The following TNS3 variants were observed in gnomAD, a reference collection of about 807,000 sequenced individuals.
TNS3 encodes the protein tensin-3.
A neutral mutation model predicts 140.9 loss-of-function variants in TNS3; 45 were observed. That is an observed-to-expected ratio of 0.32 (90% CI 0.25 to 0.41). The LOEUF is 0.41. TNS3 is among the 10% of genes least tolerant of loss of function. The pLI is 1.00. For missense variants in TNS3, 1,716 were observed against 1,906.7 expected (o/e 0.90, Z 1.86); for synonymous variants, 815 against 788.4 (o/e 1.03, Z -0.56).
intron 16 of TNS3, among the ~76,000 whole-genome samples, chr7:47,380,921 C>T (rs1459268682): frequency 6.6e-6 from 1 of 152,176 alleles, no homozygotes; most frequent in East Asian, 1.9e-4. Context: ...GGCGTGCCAC[C>T]TCCCTCCCAG....
chr7:47,482,516 A>C (rs1394836610), intron 3 of TNS3, among the ~76,000 whole-genome samples: 1 of 152,246 alleles, frequency 6.6e-6, no homozygotes, highest in Non-Finnish European at 1.5e-5. Context: ...AGAAGGAGTC[A>C]CAGACAAAAC....
chr7:47,280,504 G>C lies in TNS3; in HGVS notation c.4098-150C>G, dbSNP rs148154344. 10 of 762,792 alleles carry C rather than the reference G, an allele frequency of 1.3e-5. No homozygotes were observed. The African/African-American group carries it at 1.4e-4, about 11-fold the overall frequency. 47.3% of individuals were successfully genotyped at this position (762,792 alleles called of 1,614,324 possible). On this transcript the variant is annotated intron_variant, in intron 28 of 30. Coordinates refer to ENST00000311160, the MANE Select transcript of TNS3 (RefSeq NM_022748.12). ...TCATCACTTGGAGAGAAGAAAGTGC[G>C]TGCTCATTCAAAGTCAACAGATGTC...
intron 20 of TNS3, among the ~76,000 whole-genome samples, chr7:47,336,586 C>A (rs1788644064): frequency 6.6e-6 from 1 of 152,170 alleles, no homozygotes; most frequent in African/African-American, 2.4e-5. Flanking sequence ...ATGCCTGTGG[C>A]AGAAGCTGGC....
chr7:47,574,352 G>A (rs1800623584), intron 1 of TNS3, among the ~76,000 whole-genome samples: 1 of 151,894 alleles, frequency 6.6e-6, no homozygotes, highest in African/African-American at 2.4e-5. Context: ...TCCTTTTCCT[G>A]CAGGCCTGGT....
Position 47,495,190 on chromosome 7 carries a change from CAAAAAA to C in TNS3, c.-115+11711_-115+11716del, listed in dbSNP as rs11353260. ...TGGGCGACAGAGCCAGACTCCGTCT[CAAAAAA>C]AAAAAAAAAAAAAAAGAAACGTTCT... On this transcript the variant is annotated intron_variant, in intron 3 of 30. Transcript: ENST00000311160. Among the ~76,000 whole-genome samples, 6 of 79,682 alleles carry C rather than the reference CAAAAAA, an allele frequency of 7.5e-5. No homozygotes were observed. In the South Asian group the frequency reaches 1.2e-3, roughly 16 times the overall value. The allele number at this position is 79,682 out of a possible 152,430, so 52.3% of individuals were successfully genotyped here.
intron 4 of TNS3, among the ~76,000 whole-genome samples, chr7:47,448,886 G>T (rs1206941686): frequency 6.6e-6 from 1 of 152,182 alleles, no homozygotes; most frequent in East Asian, 1.9e-4. Flanking sequence ...ACAGACCTGG[G>T]TGTGAGTCCC....
chr7:47,314,596 G>A (rs1787287881), intron 20 of TNS3, among the ~76,000 whole-genome samples: 1 of 152,184 alleles, frequency 6.6e-6, no homozygotes, highest in African/African-American at 2.4e-5. Context: ...AATTGTTGTT[G>A]TTGCTCAACT....
At chr7:47,354,390 A>C in intron 17 of TNS3, among the ~76,000 whole-genome samples, 1 of 147,398 alleles carries the variant, frequency 6.8e-6, no homozygotes, top group Non-Finnish European at 1.5e-5. Context: ...CAGAAAAACC[A>C]AGGAGAAAGG....
intron 4 of TNS3, among the ~76,000 whole-genome samples, chr7:47,458,153 A>T (rs1403044230): frequency 6.6e-6 from 1 of 152,254 alleles, no homozygotes; most frequent in East Asian, 1.9e-4. Flanking sequence ...TGAGGAAATA[A>T]TGTCCTTGGT....
At chr7:47,459,536 T>C (rs1413696624) in intron 4 of TNS3, among the ~76,000 whole-genome samples, 1 of 152,096 alleles carries the variant, frequency 6.6e-6, no homozygotes, top group Non-Finnish European at 1.5e-5. Context: ...CCCAGGTCAG[T>C]CTCAGGCCCC....
intron 21 of TNS3, among the ~76,000 whole-genome samples, chr7:47,303,824 G>T (rs1252038820): frequency 6.6e-6 from 1 of 152,196 alleles, no homozygotes; most frequent in East Asian, 1.9e-4. Context: ...GCACCCAGGG[G>T]AGCCGCCCCA....
chr7:47,346,104 G>C, intron 18 of TNS3, 83 bp downstream of exon 18: 1 of 1,545,276 alleles, frequency 6.5e-7, no homozygotes. Context: ...ACAAGGCCTG[G>C]TCATTGCCCA....
At chr7:47,523,723 C>T (rs115503815) in intron 2 of TNS3, among the ~76,000 whole-genome samples, 3,276 of 152,280 alleles carry the variant, frequency 0.022, 103 homozygotes, top group African/African-American at 0.073. Flanking sequence ...GATAATGGAC[C>T]TCCTGCCATG....
intron 1 of TNS3, chr7:47,557,279 C>T: frequency 2.7e-6 from 1 of 375,154 alleles, no homozygotes. Context: ...GTGATATGCA[C>T]AGCTTTGTCA....
At chr7:47,487,231 T>G (rs1489818228) in intron 3 of TNS3, among the ~76,000 whole-genome samples, 1 of 151,464 alleles carries the variant, frequency 6.6e-6, no homozygotes, top group African/African-American at 2.4e-5. Context: ...CCTGGGAGGT[T>G]GCAGTGAGCT....
intron 1 of TNS3, among the ~76,000 whole-genome samples, chr7:47,576,835 C>G (rs904928576): frequency 6.6e-6 from 1 of 152,222 alleles, no homozygotes; most frequent in Middle Eastern, 3.4e-3. Flanking sequence ...AATCCTCCAG[C>G]GAGAAATAAT....
intron 4 of TNS3, among the ~76,000 whole-genome samples, chr7:47,473,679 T>A (rs1233262296): frequency 6.6e-6 from 1 of 152,126 alleles, no homozygotes; most frequent in Non-Finnish European, 1.5e-5. Flanking sequence ...AAGCCTTCTG[T>A]GACAACATGC....
intron 1 of TNS3, chr7:47,557,015 G>T (rs769054241): frequency 2.2e-6 from 1 of 456,332 alleles, no homozygotes; most frequent in African/African-American, 2.0e-5. Flanking sequence ...AGCAGCGGGG[G>T]CGGGGAGCAA....
intron 17 of TNS3, among the ~76,000 whole-genome samples, chr7:47,361,502 T>A (rs929149070): frequency 1.3e-5 from 2 of 152,124 alleles, no homozygotes; most frequent in Non-Finnish European, 2.9e-5. Flanking sequence ...TGAAATGAGG[T>A]GGGACTGTCT....
Sources: allele counts gnomAD v4.1 joint callset (sites outside exome capture counted in the v4.1 genomes callset), GRCh38; gene constraint gnomAD v4.1.1; transcripts MANE v1.5; gene names NCBI Gene and HGNC (gene_info 2026-07-23, HGNC 2026-07-21).